The following UCP1 variants were observed in gnomAD, a reference collection of about 807,000 sequenced individuals.
UCP1 encodes mitochondrial brown fat uncoupling protein 1.
A neutral mutation model predicts 26.2 loss-of-function variants in UCP1; 24 were observed. That is an observed-to-expected ratio of 0.92 (90% CI 0.66 to 1.29). The LOEUF is 1.29. Among genes scored for constraint, UCP1 ranks in the 50% most tolerant of loss-of-function variants. The pLI is 0.00. For missense variants in UCP1, 402 were observed against 388.7 expected, an observed-to-expected ratio of 1.03 and a Z score of -0.29; for synonymous variants, 164 against 156.8, an observed-to-expected ratio of 1.05 and a Z score of -0.34.
chr4:140,562,409 T>G, intron 4 of UCP1, 36 bp from the exon 5 acceptor site: 1 of 1,609,774 alleles, frequency 6.2e-7, no homozygotes, highest in African/African-American at 1.3e-5. Context: ...AACATCAGAC[T>G]TTTGGGGGCT....
At chr4:140,561,717 G>T (rs1383311206) in intron 5 of UCP1, among the ~76,000 whole-genome samples, 4 of 152,280 alleles carry the variant, frequency 2.6e-5, no homozygotes, top group Non-Finnish European at 5.9e-5. Context: ...CACAACACTT[G>T]TTTCTAGGTG....
chr4:140,568,127 G>GTGTC (rs1436895798), intron 1 of UCP1, 150 bp from the exon 2 acceptor site: 1 of 687,874 alleles, frequency 1.5e-6, no homozygotes, highest in East Asian at 2.8e-5. Flanking sequence ...GTGTGTGTGT[G>GTGTC]TGTGTGTGTG....
rs549815493 is a variant in UCP1, at chr4:140,563,530, G to GA, written c.326-13dup. The GA allele has an allele frequency of 2.4e-3, 3,838 of 1,605,130 alleles. 6 individuals carry two copies. The highest frequency in any genetic ancestry group is 7.1e-3 in the Middle Eastern group (43 of 6,016). ...TAAACTAGGTGCTGCTATCCAGAGA[G>GA]AAAAAAAATTATTAAGAAAAAAAAT... is the stretch of plus-strand genomic sequence containing the variant. On this transcript the variant is annotated splice_polypyrimidine_tract_variant and intron_variant, in intron 2 of 5. Coordinates refer to ENST00000262999, the MANE Select transcript of UCP1 (RefSeq NM_021833.5).
At position 140,560,003 on chromosome 4, in the gene UCP1, G is replaced by T. The variant is rs769316561; in HGVS notation, c.817C>A (p.Pro273Thr). Residue 273 changes from proline to threonine, a missense_variant, in exon 6 of 6, where the codon CCT becomes ACT. Transcript: ENST00000262999. ...GPTAFFKGLV[P>T]SFLRLGSWNV... is the part of the protein sequence containing the mutation. ...CAGGATCCAAGTCGCAAGAAGGAAG[G>T]TACCAACCTAGAAAAGTGCATGTCA... The T allele has an allele frequency of 1.3e-5, 21 of 1,613,200 alleles. No homozygotes were observed. The highest frequency in any genetic ancestry group is 2.2e-5 in the East Asian group (1 of 44,880).
At chr4:140,561,537 G>A (rs550345422) in intron 5 of UCP1, among the ~76,000 whole-genome samples, 86 of 152,100 alleles carry the variant, frequency 5.7e-4, no homozygotes, top group African/African-American at 2.0e-3. Flanking sequence ...ATTTTTTGTT[G>A]AGACAGGGTC....
intron 1 of UCP1, among the ~76,000 whole-genome samples, chr4:140,568,191 A>G (rs1735847457): frequency 6.7e-6 from 1 of 150,180 alleles, no homozygotes; most frequent in African/African-American, 2.5e-5. Context: ...GCTGGCTACA[A>G]TGCACATTTT....
Position 140,559,473 on chromosome 4 carries a change from C to A in UCP1, c.*423G>T, listed in dbSNP as rs892366247. The A allele has an allele frequency of 1.1e-5, 2 of 183,810 alleles. No homozygotes were observed. Among genetic ancestry groups the A allele is most frequent in the South Asian group, 2.2e-4 (2 of 8,994 alleles). The allele number at this position is 183,810 out of a possible 1,614,324, so 11.4% of individuals were successfully genotyped here. On this transcript the variant is annotated 3_prime_UTR_variant, in exon 6 of 6. Transcript: ENST00000262999. Reference sequence around the variant, plus strand: ...ATACTTTATTGAATATATTAACTGACAACTGTGGTTAATAAAAACTAATAT... The same window carrying A: ...ATACTTTATTGAATATATTAACTGAAAACTGTGGTTAATAAAAACTAATAT...
At position 140,563,438 on chromosome 4, in the gene UCP1, C is replaced by T; in HGVS notation, c.406G>A (p.Val136Ile). ...VAVFIGQPTE[V>I]VKVRLQAQSH... ...TGTGCTTGAAGTCTGACTTTCACGA[C>T]CTCTGTGGGTTGCCCAATGAATACT... is the stretch of plus-strand genomic sequence containing the variant. Residue 136 changes from valine (V) to isoleucine (I), a missense_variant, in exon 3 of 6, where the codon GTC (valine) becomes ATC (isoleucine). Coordinates refer to ENST00000262999, the MANE Select transcript of UCP1 (RefSeq NM_021833.5). The T allele has an allele frequency of 6.2e-7, 1 of 1,614,060 alleles. No individual in the cohort carries two copies.
chr4:140,559,847 C>T lies in UCP1; in HGVS notation c.*49G>A. The T allele has an allele frequency of 5.6e-6, 8 of 1,437,988 alleles. No homozygotes were observed. The highest frequency in any genetic ancestry group is 6.9e-6 in the Non-Finnish European group (7 of 1,021,358). 89.1% of individuals were successfully genotyped at this position (1,437,988 alleles called of 1,614,324 possible). A position where few individuals can be genotyped will look rare whatever the true frequency, so the allele number is the denominator to read the frequency against. On this transcript the variant is annotated 3_prime_UTR_variant, in exon 6 of 6. Coordinates refer to ENST00000262999, the MANE Select transcript of UCP1 (RefSeq NM_021833.5). The stretch of plus-strand genomic sequence containing the variant: ...ATAAGTTTTGTTTGTTTTTATGATC[C>T]AGTCAGCAAGATTCCCACTGGTATG...
chr4:140,560,764 T>C (rs1178538003), intron 5 of UCP1, among the ~76,000 whole-genome samples: 2 of 151,108 alleles, frequency 1.3e-5, no homozygotes, highest in South Asian at 2.1e-4. Flanking sequence ...AAAAAAATCA[T>C]AAAATTACAT....
chr4:140,568,659 G>A lies in UCP1; in HGVS notation c.71C>T (p.Ala24Val), dbSNP rs199702820. The change falls in exon 1 of 6, where the codon GCG (alanine) becomes GTG (valine). Residue 24 changes from alanine (A) to valine (V), a missense_variant. By Grantham distance (64) the Ala-to-Val change is moderately conservative. Coordinates refer to ENST00000262999, the MANE Select transcript of UCP1 (RefSeq NM_021833.5). ...GVQLFSAGIA[A>V]CLADVITFPL... Reference sequence around the variant, plus strand: ...GAAGGTGATCACGTCCGCCAAGCACGCCGCTATTCCAGCTGAGAAGAGCTG... The same window carrying A: ...GAAGGTGATCACGTCCGCCAAGCACACCGCTATTCCAGCTGAGAAGAGCTG... 1 of 1,611,716 alleles carries A rather than the reference G, an allele frequency of 6.2e-7. No individual in the cohort carries two copies. The highest frequency in any genetic ancestry group is 8.5e-7 in the Non-Finnish European group (1 of 1,179,372).
chr4:140,564,897 G>T (rs1051776772), intron 2 of UCP1, among the ~76,000 whole-genome samples: 1 of 151,826 alleles, frequency 6.6e-6, no homozygotes, highest in Non-Finnish European at 1.5e-5. Flanking sequence ...AAAACATATT[G>T]TTTGTCTTTA....
chr4:140,568,750 T>C lies in UCP1; in HGVS notation c.-21A>G, dbSNP rs1735864052. On this transcript the variant is annotated 5_prime_UTR_variant, in exon 1 of 6. Coordinates refer to ENST00000262999, the MANE Select transcript of UCP1 (RefSeq NM_021833.5). ...CCCATCTTCACTCAGAGACTGGAGA[T>C]GCAGAGGAAAAGGGCTCCAGCCCCG... 1.3e-6 allele frequency: 2 copies of C among 1,571,902 alleles called. No individual in the cohort carries two copies. Among genetic ancestry groups the C allele is most frequent in the Non-Finnish European group, 1.7e-6 (2 of 1,162,440 alleles).
chr4:140,568,492 C>T (rs1578792173), intron 1 of UCP1, 112 bp downstream of exon 1: 1 of 1,545,428 alleles, frequency 6.5e-7, no homozygotes, highest in East Asian at 2.3e-5. Context: ...TTTGGAAGGT[C>T]ACCTACCCTA....
intron 2 of UCP1, among the ~76,000 whole-genome samples, chr4:140,567,268 C>A (rs1735819627): frequency 6.6e-6 from 1 of 152,202 alleles, no homozygotes; most frequent in Admixed American, 6.5e-5. Context: ...GGAAATATGT[C>A]TTTTCCTGTC....
At chr4:140,568,079 A>T (rs555915108) in intron 1 of UCP1, 102 bp from the exon 2 acceptor site, 3 of 1,241,204 alleles carry the variant, frequency 2.4e-6, no homozygotes, top group Non-Finnish European at 3.5e-6. Context: ...TTTCTCAGCA[A>T]CATTCCTCTT....
Position 140,563,524 on chromosome 4 carries a change from C to T in UCP1, c.326-6G>A. On this transcript the variant is annotated splice_polypyrimidine_tract_variant and splice_region_variant and intron_variant, in intron 2 of 5. Transcript: ENST00000262999. ...GCTTCCTAAACTAGGTGCTGCTATC[C>T]AGAGAGAAAAAAAATTATTAAGAAA... 6.2e-7 allele frequency: 1 copy of T among 1,611,578 alleles called. No homozygotes were observed. The highest frequency in any genetic ancestry group is 2.2e-5 in the East Asian group (1 of 44,862).
rs763804606 is a variant in UCP1 at position 140,563,092 on chromosome 4, T to C, written c.628+18A>G. ...TCTAAAGGTGCAGACCTGTTTGTTA[T>C]ATGAAATGGGAAGTTACCTGCTAAT... is the stretch of plus-strand genomic sequence containing the variant. On this transcript the variant is annotated intron_variant, in intron 4 of 5. Coordinates refer to ENST00000262999, the MANE Select transcript of UCP1 (RefSeq NM_021833.5). The C allele has an allele frequency of 2.5e-6, 4 of 1,598,134 alleles. No homozygotes were observed. The highest frequency in any genetic ancestry group is 3.4e-6 in the Non-Finnish European group (4 of 1,165,980).
chr4:140,564,241 G>A (rs945030971), intron 2 of UCP1, among the ~76,000 whole-genome samples: 1 of 152,030 alleles, frequency 6.6e-6, no homozygotes, highest in African/African-American at 2.4e-5. Context: ...GAAGCCCAGT[G>A]GACAAACTGC....
Sources: allele counts gnomAD v4.1 joint callset (sites outside exome capture counted in the v4.1 genomes callset), GRCh38; gene constraint gnomAD v4.1.1; transcripts MANE v1.5; gene names NCBI Gene and HGNC (gene_info 2026-07-23, HGNC 2026-07-21).